Variants in PCDHGB1 observed in about 807,000 individuals in gnomAD.
PCDHGB1 encodes protocadherin gamma subfamily B, 1, also known as protocadherin gamma-B1.
Under a neutral mutation model 56.6 loss-of-function variants are expected in PCDHGB1, and 34 were observed. That is an observed-to-expected ratio of 0.60 (90% CI 0.46 to 0.80). The LOEUF (loss-of-function observed/expected upper bound fraction) is 0.80, where lower values mean the gene tolerates loss of function less well. Ranked by LOEUF, PCDHGB1 falls within the 30% of genes least tolerant of loss-of-function variation. The pLI is 0.00. For missense variants in PCDHGB1, 1,278 were observed against 1,204.6 expected, an observed-to-expected ratio of 1.06 and a Z score of -0.90; for synonymous variants, 561 against 505.9, an observed-to-expected ratio of 1.11 and a Z score of -1.46.
intron 1 of PCDHGB1, among the ~76,000 whole-genome samples, chr5:141,405,967 G>A (rs76683972): frequency 6.6e-6 from 1 of 152,068 alleles, no homozygotes; most frequent in Non-Finnish European, 1.5e-5. Flanking sequence ...TGCTGTCAAC[G>A]TAAACCATAC....
Position 141,485,768 on chromosome 5 carries a change from C to A in PCDHGB1, c.2410-9039C>A, listed in dbSNP as rs759191157. 3.7e-6 allele frequency: 6 copies of A among 1,614,192 alleles called. No individual in the cohort carries two copies. Among genetic ancestry groups the A allele is most frequent in the Middle Eastern group, 1.6e-4 (1 of 6,062 alleles). On this transcript the variant is annotated intron_variant, in intron 1 of 3. Coordinates refer to ENST00000523390, the MANE Select transcript of PCDHGB1 (RefSeq NM_018922.3). The surrounding 1 kb of genome is among the most constrained non-coding windows in gnomAD (Gnocchi z 5.7). ...GGTCCCAGAGCTGCTCCTGGAGAAG[C>A]CTTTGGATCGAGAGAAGCAATCGGA...
At chr5:141,399,008 G>A (rs2093737383) in intron 1 of PCDHGB1, 4 of 1,613,904 alleles carry the variant, frequency 2.5e-6, no homozygotes, top group African/African-American at 1.3e-5. Flanking sequence ...AATTCAAAGA[G>A]CGGAGAAATT....
chr5:141,414,938 C>G (rs1407853248), intron 1 of PCDHGB1: 1 of 1,614,116 alleles, frequency 6.2e-7, no homozygotes, highest in Admixed American at 1.7e-5. Flanking sequence ...TCCGCAGAGC[C>G]CGGCTACCTG....
intron 2 of PCDHGB1, among the ~76,000 whole-genome samples, chr5:141,502,517 G>A (rs1333510345): frequency 1.3e-5 from 2 of 152,128 alleles, no homozygotes; most frequent in Admixed American, 6.6e-5. Flanking sequence ...CCCACTATCA[G>A]TGATGCCGAG....
chr5:141,431,995 G>A lies in PCDHGB1; in HGVS notation c.2410-62812G>A. 6.2e-7 allele frequency: 1 copy of A among 1,614,048 alleles called. No individual in the cohort carries two copies. Among genetic ancestry groups the A allele is most frequent in the East Asian group, 2.2e-5 (1 of 44,898 alleles). The stretch of plus-strand genomic sequence containing the variant: ...TAGTCACAGACATAGTCTTGGATAG[G>A]GAACAGGTTCCTAGCTACAACATCA... On this transcript the variant is annotated intron_variant, in intron 1 of 3. Coordinates refer to ENST00000523390, the MANE Select transcript of PCDHGB1 (RefSeq NM_018922.3). This position sits in a 1 kb window ranked among gnomAD's most constrained non-coding sequence, Gnocchi z 4.8.
intron 1 of PCDHGB1, chr5:141,355,448 C>A: frequency 1.9e-6 from 3 of 1,614,092 alleles, no homozygotes; most frequent in Non-Finnish European, 2.5e-6. Flanking sequence ...CGCAGCGGCA[C>A]CTTGGTCACC....
rs755324921 is a variant in PCDHGB1 at position 141,352,665 on chromosome 5, C to G, written c.2405C>G (p.Ser802Trp). 1 of 1,587,314 alleles carries G rather than the reference C, an allele frequency of 6.3e-7. No homozygotes were observed. Among genetic ancestry groups the G allele is most frequent in the African/African-American group, 1.3e-5 (1 of 74,390 alleles). Residue 802 changes from serine to tryptophan, a missense_variant, in exon 1 of 4, where the codon TCG (serine) becomes TGG (tryptophan). By Grantham distance (177) the Ser-to-Trp change is radical (BLOSUM62 -3). Transcript: ENST00000523390. ...ATCGCTTATGACCCTTCTTTGTCTT[C>G]GCACGTGAGTTTCTGCAAATCTAGT... Reference protein sequence around the residue: ...HKIAYDPSLSSHQAPPNTDWR... With the variant: ...HKIAYDPSLSWHQAPPNTDWR...
At chr5:141,415,490 T>C in intron 1 of PCDHGB1, 2 of 1,614,228 alleles carry the variant, frequency 1.2e-6, no homozygotes, top group Admixed American at 3.3e-5. Flanking sequence ...AAGAGTCACC[T>C]GATCTTCCCC....
At chr5:141,408,111 C>A (rs1477598232) in intron 1 of PCDHGB1, 7 of 1,455,108 alleles carry the variant, frequency 4.8e-6, no homozygotes, top group African/African-American at 4.3e-5. Context: ...ACCCGGGACT[C>A]CTCCTGTCCT....
intron 1 of PCDHGB1, chr5:141,400,564 C>T: frequency 6.2e-7 from 1 of 1,612,936 alleles, no homozygotes; most frequent in South Asian, 1.1e-5. Context: ...ATTACCCACC[C>T]AATTTTCTGT....
At chr5:141,465,714 C>T (rs1015102102) in intron 1 of PCDHGB1, among the ~76,000 whole-genome samples, 4 of 152,200 alleles carry the variant, frequency 2.6e-5, no homozygotes, top group Non-Finnish European at 5.9e-5. Context: ...AATGCCACCA[C>T]TTCCACCTCT....
At chr5:141,369,672 A>G (rs545394407) in intron 1 of PCDHGB1, among the ~76,000 whole-genome samples, 2 of 152,370 alleles carry the variant, frequency 1.3e-5, no homozygotes, top group East Asian at 3.9e-4. Flanking sequence ...AAGAGAAGAA[A>G]GTGAAACATA....
At chr5:141,427,870 C>T (rs773176633) in intron 1 of PCDHGB1, 86 of 1,558,630 alleles carry the variant, frequency 5.5e-5, no homozygotes, top group Non-Finnish European at 4.8e-5. Context: ...TTCGAGCTCA[C>T]GATGCAGGCC....
chr5:141,449,256 A>C (rs929920180), intron 1 of PCDHGB1, among the ~76,000 whole-genome samples: 5 of 152,176 alleles, frequency 3.3e-5, no homozygotes, highest in Non-Finnish European at 5.9e-5. Context: ...CAAGAATTGT[A>C]CAAAGAACTG....
In PCDHGB1 at chr5:141,494,027, G is replaced by A. The variant is rs77020157; in HGVS notation, c.2410-780G>A. 1.5e-4 allele frequency among the ~76,000 whole-genome samples: 23 copies of A among 152,298 alleles called. No homozygotes were observed. In the East Asian group the frequency reaches 3.3e-3, roughly 22 times the overall value. ...ACACATCAGCCCCTTGGGAGCCCTGGAGACTTAGTTGGCCCTGCTTGGAGG... is the reference window on the plus strand; with the variant it reads ...ACACATCAGCCCCTTGGGAGCCCTGAAGACTTAGTTGGCCCTGCTTGGAGG... On this transcript the variant is annotated intron_variant, in intron 1 of 3. Coordinates refer to ENST00000523390, the MANE Select transcript of PCDHGB1 (RefSeq NM_018922.3).
At chr5:141,399,959 G>A (rs1257286209) in intron 1 of PCDHGB1, 4 of 1,612,230 alleles carry the variant, frequency 2.5e-6, no homozygotes, top group South Asian at 1.1e-5. Flanking sequence ...AGCGAGCCCG[G>A]GCTCTTCAGC....
intron 1 of PCDHGB1, chr5:141,409,041 A>T: frequency 6.2e-7 from 1 of 1,613,982 alleles, no homozygotes; most frequent in Non-Finnish European, 8.5e-7. Flanking sequence ...ATAAACTACT[A>T]CTTCCGAAGC....
intron 1 of PCDHGB1, chr5:141,389,727 T>C (rs1176419914): frequency 4.3e-6 from 7 of 1,612,724 alleles, no homozygotes; most frequent in Non-Finnish European, 5.9e-6. Context: ...GCCCGGGCTC[T>C]TCAGCCTGGG....
intron 1 of PCDHGB1, chr5:141,419,895 C>G (rs1209315374): frequency 6.2e-7 from 1 of 1,613,916 alleles, no homozygotes; most frequent in Non-Finnish European, 8.5e-7. Context: ...AGCGACCATC[C>G]CACACCCTCT....
Sources: allele counts gnomAD v4.1 joint callset (sites outside exome capture counted in the v4.1 genomes callset), GRCh38; gene constraint gnomAD v4.1.1; non-coding constraint Gnocchi (gnomAD v3.1); transcripts MANE v1.5; gene names NCBI Gene and HGNC (gene_info 2026-07-23, HGNC 2026-07-21).